MAD1L1: variants seen among roughly 807,000 people sequenced by gnomAD.
MAD1L1 encodes mitotic spindle assembly checkpoint protein MAD1.
In MAD1L1, 95 loss-of-function variants were observed where a neutral mutation model predicts 96.9. The observed-to-expected ratio is 0.98, with a 90% CI of 0.83 to 1.16. The LOEUF is 1.16. Among genes scored for constraint, MAD1L1 ranks in the 50% most tolerant of loss-of-function variants. MAD1L1 has a pLI of 0.00. For synonymous variants in MAD1L1, 473 were observed against 396.6 expected, an observed-to-expected ratio of 1.19 and a Z score of -2.29; for missense variants, 1,007 against 954.4, an observed-to-expected ratio of 1.06 and a Z score of -0.73.
intron 14 of MAD1L1, among the ~76,000 whole-genome samples, chr7:2,001,078 C>T (rs915189154): frequency 6.6e-6 from 1 of 152,390 alleles, no homozygotes; most frequent in South Asian, 2.1e-4. Flanking sequence ...GCAATGAACC[C>T]TCAGCACACC....
At chr7:2,212,079 G>A (rs1792975709) in intron 10 of MAD1L1, among the ~76,000 whole-genome samples, 1 of 151,664 alleles carries the variant, frequency 6.6e-6, no homozygotes, top group Non-Finnish European at 1.5e-5. Flanking sequence ...CCAGACCAGA[G>A]CTGCCAGGAG....
chr7:2,163,314 A>G (rs1405005236), intron 10 of MAD1L1, among the ~76,000 whole-genome samples: 1 of 152,182 alleles, frequency 6.6e-6, no homozygotes, highest in African/African-American at 2.4e-5. Flanking sequence ...GAAGGTCCAC[A>G]TGTTTTCAAA....
At chr7:2,054,564 C>T (rs1784312406) in intron 12 of MAD1L1, among the ~76,000 whole-genome samples, 2 of 152,178 alleles carry the variant, frequency 1.3e-5, no homozygotes, top group Admixed American at 1.3e-4. Flanking sequence ...ACAAAGTGGA[C>T]ATTCTTTCCT....
intron 10 of MAD1L1, among the ~76,000 whole-genome samples, chr7:2,182,245 T>G (rs766756061): frequency 6.6e-6 from 1 of 151,876 alleles, no homozygotes; most frequent in East Asian, 1.9e-4. Flanking sequence ...TTATGGTATA[T>G]CCATCCAATG....
chr7:1,910,521 T>C (rs1007219871), intron 17 of MAD1L1, among the ~76,000 whole-genome samples: 1 of 152,214 alleles, frequency 6.6e-6, no homozygotes, highest in Non-Finnish European at 1.5e-5. Flanking sequence ...CGCTGGGCAC[T>C]GCCCTGGGGG....
In MAD1L1 at chr7:1,842,592, C is replaced by T. The variant is rs550279467; in HGVS notation, c.1999-26364G>A. Among the ~76,000 whole-genome samples the T allele has an allele frequency of 2.6e-5, 4 of 152,370 alleles. No individual in the cohort carries two copies. In the South Asian group the frequency reaches 8.3e-4, roughly 32 times the overall value. ...GCTGAGTAACTGCAGCCACCTGAGC[C>T]CCGGCGAGGGACAGACAGCTATGCT... is the stretch of plus-strand genomic sequence containing the variant. On this transcript the variant is annotated intron_variant, in intron 18 of 18. Coordinates refer to ENST00000265854, the MANE Select transcript of MAD1L1 (RefSeq NM_001013836.2).
chr7:2,137,309 T>C (rs773598034), intron 11 of MAD1L1, among the ~76,000 whole-genome samples: 52 of 152,344 alleles, frequency 3.4e-4, no homozygotes, highest in Non-Finnish European at 5.9e-4. Flanking sequence ...CTACCACCTT[T>C]TGGGGGCCAA....
chr7:2,077,193 AT>A (rs1785422116), intron 11 of MAD1L1, among the ~76,000 whole-genome samples: 1 of 152,208 alleles, frequency 6.6e-6, no homozygotes, highest in South Asian at 2.1e-4. Context: ...ACACAGCCGC[AT>A]GCACGGTGAT....
chr7:2,054,483 G>A (rs7783380), intron 12 of MAD1L1, among the ~76,000 whole-genome samples: 10,578 of 152,140 alleles, frequency 0.07, 1,170 homozygotes, highest in African/African-American at 0.23. Context: ...GCTCCCTCTC[G>A]GAGGGAGAGT....
intron 12 of MAD1L1, among the ~76,000 whole-genome samples, chr7:2,024,136 C>T (rs1482201208): frequency 6.6e-6 from 1 of 150,476 alleles, no homozygotes; most frequent in Non-Finnish European, 1.5e-5. Flanking sequence ...AAAAGGAAGA[C>T]ACAAATTACT....
intron 10 of MAD1L1, among the ~76,000 whole-genome samples, chr7:2,205,014 C>G (rs541642367): frequency 6.7e-6 from 1 of 150,328 alleles, no homozygotes; most frequent in Non-Finnish European, 1.5e-5. Context: ...ACCGCCTTTA[C>G]AGAATTTTAA....
Position 2,129,843 on chromosome 7 carries a change from C to T in MAD1L1, c.1073+19309G>A, listed in dbSNP as rs557398779. Among the ~76,000 whole-genome samples the T allele has an allele frequency of 3.9e-5, 6 of 152,346 alleles. No individual in the cohort carries two copies. The South Asian group carries it at 8.3e-4, about 21-fold the overall frequency. On this transcript the variant is annotated intron_variant, in intron 11 of 18. Transcript: ENST00000265854. ...ACAAGGAAGGTGCACAACACAGCCA[C>T]CACCGTCGGAGGGGCACACAGGCAG...
At chr7:2,022,739 G>C (rs185603380) in intron 12 of MAD1L1, among the ~76,000 whole-genome samples, 37 of 152,228 alleles carry the variant, frequency 2.4e-4, no homozygotes, top group African/African-American at 7.9e-4. Flanking sequence ...GAATGTGAAT[G>C]ATCTAAACAC....
chr7:2,147,695 G>T (rs1191816410), intron 11 of MAD1L1, among the ~76,000 whole-genome samples: 1 of 152,234 alleles, frequency 6.6e-6, no homozygotes, highest in Non-Finnish European at 1.5e-5. Context: ...CCACAGCTGG[G>T]GTTGTGAGGA....
At chr7:2,086,800 C>T (rs949531873) in intron 11 of MAD1L1, among the ~76,000 whole-genome samples, 56 of 152,212 alleles carry the variant, frequency 3.7e-4, no homozygotes, top group African/African-American at 1.3e-3. Flanking sequence ...GTTGATCCAC[C>T]TGCCTCGGCC....
intron 16 of MAD1L1, among the ~76,000 whole-genome samples, chr7:1,950,690 C>T (rs1779451693): frequency 6.6e-6 from 1 of 152,246 alleles, no homozygotes; most frequent in Non-Finnish European, 1.5e-5. Context: ...TCGCCACCCT[C>T]TGCTGCCTCT....
intron 12 of MAD1L1, among the ~76,000 whole-genome samples, chr7:2,050,010 C>T (rs946866719): frequency 1.9e-4 from 28 of 150,254 alleles, no homozygotes; most frequent in African/African-American, 6.9e-4. Context: ...CCAGCGTCTG[C>T]GGACACCAGA....
intron 12 of MAD1L1, among the ~76,000 whole-genome samples, chr7:2,066,243 G>A (rs1204362294): frequency 6.6e-6 from 1 of 152,214 alleles, no homozygotes; most frequent in Non-Finnish European, 1.5e-5. Context: ...TGCGCCTTGA[G>A]AGAAGGCGCT....
intron 11 of MAD1L1, among the ~76,000 whole-genome samples, chr7:2,071,230 A>C (rs975081964): frequency 6.6e-6 from 1 of 152,192 alleles, no homozygotes; most frequent in Non-Finnish European, 1.5e-5. Context: ...TCTTGAAATA[A>C]AGGATAAGTT....
Sources: allele counts gnomAD v4.1 joint callset (sites outside exome capture counted in the v4.1 genomes callset), GRCh38; gene constraint gnomAD v4.1.1; transcripts MANE v1.5; gene names NCBI Gene and HGNC (gene_info 2026-07-23, HGNC 2026-07-21).